Variants in KCNIP4 observed in about 807,000 individuals in gnomAD.
KCNIP4 encodes Kv channel-interacting protein 4.
In KCNIP4, 12 loss-of-function variants were observed where a neutral mutation model predicts 34.0. That is an observed-to-expected ratio of 0.35 (90% CI 0.23 to 0.57). The LOEUF is 0.57. Among genes scored for constraint, KCNIP4 ranks in the 20% least tolerant of loss-of-function variants. The pLI, the probability that KCNIP4 is intolerant of heterozygous loss-of-function variation, is 0.83. For missense variants in KCNIP4, 238 were observed against 311.7 expected, an observed-to-expected ratio of 0.76 and a Z score of 1.78; for synonymous variants, 124 against 102.2, an observed-to-expected ratio of 1.21 and a Z score of -1.29.
At chr4:21,511,123 C>T (rs756801305) in intron 1 of KCNIP4, among the ~76,000 whole-genome samples, 1 of 152,106 alleles carries the variant, frequency 6.6e-6, no homozygotes, top group Non-Finnish European at 1.5e-5. Flanking sequence ...ATAATTCATA[C>T]TCTTCTCTCC....
intron 1 of KCNIP4, among the ~76,000 whole-genome samples, chr4:21,897,560 G>A (rs1307651489): frequency 1.3e-5 from 2 of 152,108 alleles, no homozygotes; most frequent in Admixed American, 6.5e-5. Context: ...GAAATAGGAA[G>A]GGGAAAAAGA....
intron 1 of KCNIP4, among the ~76,000 whole-genome samples, chr4:21,945,426 C>A (rs947963540): frequency 6.6e-6 from 1 of 152,126 alleles, no homozygotes; most frequent in African/African-American, 2.4e-5. Flanking sequence ...AAAAGCTTTT[C>A]ATGGATTCAG....
At chr4:21,176,580 T>A (rs1263507052) in intron 1 of KCNIP4, among the ~76,000 whole-genome samples, 2 of 152,212 alleles carry the variant, frequency 1.3e-5, no homozygotes, top group Non-Finnish European at 2.9e-5. Context: ...TAGAGTGCAA[T>A]GGCACAGTCT....
chr4:21,926,112 T>C (rs1346242642), intron 1 of KCNIP4, among the ~76,000 whole-genome samples: 2 of 152,228 alleles, frequency 1.3e-5, no homozygotes, highest in African/African-American at 4.8e-5. Flanking sequence ...AAGATAGCCA[T>C]AAGATTCACT....
chr4:20,890,369 A>T (rs1422933426), intron 1 of KCNIP4, among the ~76,000 whole-genome samples: 1 of 152,182 alleles, frequency 6.6e-6, no homozygotes, highest in Admixed American at 6.5e-5. Flanking sequence ...GGGGAAAGAC[A>T]TAATTTTAAA....
At chr4:21,911,655 C>CACACAG (rs1553832675) in intron 1 of KCNIP4, among the ~76,000 whole-genome samples, 1 of 137,146 alleles carries the variant, frequency 7.3e-6, no homozygotes, top group African/African-American at 2.8e-5. Context: ...CACACACACA[C>CACACAG]AGAGTCTGGT....
At chr4:21,113,919 T>C (rs571313339) in intron 1 of KCNIP4, among the ~76,000 whole-genome samples, 3 of 152,332 alleles carry the variant, frequency 2.0e-5, no homozygotes, top group African/African-American at 7.2e-5. Flanking sequence ...TCTTTCTCCA[T>C]CAAAAATCAA....
intron 3 of KCNIP4, among the ~76,000 whole-genome samples, chr4:20,825,790 A>C (rs1717686954): frequency 6.6e-6 from 1 of 152,158 alleles, no homozygotes; most frequent in African/African-American, 2.4e-5. Flanking sequence ...CAAGAACAGA[A>C]CCCTAAGGAA....
At chr4:21,240,415 G>A (rs1759723391) in intron 1 of KCNIP4, among the ~76,000 whole-genome samples, 1 of 152,020 alleles carries the variant, frequency 6.6e-6, no homozygotes, top group African/African-American at 2.4e-5. Flanking sequence ...GCTGCCTGTA[G>A]AAGACAGGAG....
intron 1 of KCNIP4, among the ~76,000 whole-genome samples, chr4:21,374,934 C>A (rs1338543733): frequency 6.8e-6 from 1 of 147,252 alleles, no homozygotes; most frequent in Non-Finnish European, 1.5e-5. Flanking sequence ...CCATCAGTAC[C>A]CTAATGACAG....
chr4:21,330,155 G>C (rs1200124790), intron 1 of KCNIP4, among the ~76,000 whole-genome samples: 1 of 152,106 alleles, frequency 6.6e-6, no homozygotes, highest in Non-Finnish European at 1.5e-5. Context: ...GTGTTCAAAA[G>C]CAAGTCTACT....
At chr4:21,945,227 T>C (rs577694498) in intron 1 of KCNIP4, among the ~76,000 whole-genome samples, 3 of 152,214 alleles carry the variant, frequency 2.0e-5, no homozygotes, top group Admixed American at 2.0e-4. Flanking sequence ...CCAGAAATCT[T>C]GCACACAGAT....
chr4:21,312,790 A>C (rs1206275935), intron 1 of KCNIP4, among the ~76,000 whole-genome samples: 1 of 152,160 alleles, frequency 6.6e-6, no homozygotes, highest in Non-Finnish European at 1.5e-5. Context: ...ACTGTGAATG[A>C]TCCCACACTT....
intron 1 of KCNIP4, among the ~76,000 whole-genome samples, chr4:21,748,260 G>T (rs1346919710): frequency 6.6e-6 from 1 of 152,158 alleles, no homozygotes; most frequent in Non-Finnish European, 1.5e-5. Flanking sequence ...AGAGTCAAAG[G>T]GTTGGGTATT....
intron 1 of KCNIP4, among the ~76,000 whole-genome samples, chr4:21,685,039 G>C (rs1463866789): frequency 6.6e-6 from 1 of 152,106 alleles, no homozygotes. Context: ...ATATCTTTTG[G>C]TAGGAGAGTA....
chr4:21,927,146 C>G (rs1166292087), intron 1 of KCNIP4, among the ~76,000 whole-genome samples: 1 of 152,178 alleles, frequency 6.6e-6, no homozygotes, highest in African/African-American at 2.4e-5. Context: ...AAGCATTCTT[C>G]TTTAGTGACA....
intron 1 of KCNIP4, among the ~76,000 whole-genome samples, chr4:21,620,019 A>G (rs1490935865): frequency 2.0e-5 from 3 of 152,222 alleles, no homozygotes; most frequent in African/African-American, 7.2e-5. Flanking sequence ...ATTGTACTCA[A>G]TGTTTTGTGG....
rs140372896 is a variant in KCNIP4, at chr4:21,340,781, G to A, written c.62-458072C>T. On this transcript the variant is annotated intron_variant, in intron 1 of 8. Coordinates refer to ENST00000382152, the MANE Select transcript of KCNIP4 (RefSeq NM_025221.6). ...ACTCAATGGCCAAGTATATTTGTGGGAACTAAAGCTTCAGTGGAAAGAAGC... is the reference window on the plus strand; with the variant it reads ...ACTCAATGGCCAAGTATATTTGTGGAAACTAAAGCTTCAGTGGAAAGAAGC... 5.1e-3 allele frequency among the ~76,000 whole-genome samples: 769 copies of A among 152,228 alleles called. 5 individuals are homozygous for A. Among genetic ancestry groups the A allele is most frequent in the African/African-American group, 0.017 (719 of 41,544 alleles).
intron 1 of KCNIP4, among the ~76,000 whole-genome samples, chr4:21,666,113 T>C (rs1748934062): frequency 6.6e-6 from 1 of 152,232 alleles, no homozygotes; most frequent in South Asian, 2.1e-4. Context: ...AACATTCTAC[T>C]GGTGCCAAGT....
Sources: gnomAD v4.1 joint callset for allele counts (sites outside exome capture counted in the v4.1 genomes callset) on GRCh38, gnomAD v4.1.1 for gene constraint, MANE v1.5 for transcripts, NCBI Gene and HGNC (gene_info 2026-07-23, HGNC 2026-07-21) for gene names.